SND1: variants seen among roughly 807,000 people sequenced by gnomAD.
SND1 encodes staphylococcal nuclease and tudor domain containing 1, also known as staphylococcal nuclease domain-containing protein 1.
Under a neutral mutation model 121.7 loss-of-function variants are expected in SND1, and 38 were observed. The observed-to-expected ratio is 0.31, with a 90% confidence interval of 0.24 to 0.41. SND1 has a LOEUF of 0.41. SND1 is among the 10% of genes least tolerant of loss of function. The pLI is 1.00. For synonymous variants in SND1, 401 were observed against 447.4 expected (o/e 0.90, Z 1.31); for missense variants, 868 against 1,184.6 (o/e 0.73, Z 3.92).
intron 1 of SND1, 34 bp from the exon 2 acceptor site, chr7:127,686,579 G>A: frequency 6.2e-7 from 1 of 1,605,500 alleles, no homozygotes; most frequent in African/African-American, 1.3e-5. Flanking sequence ...ACGGCCTCTG[G>A]ACCATTCATT....
chr7:127,978,489 G>A (rs547216460), intron 15 of SND1, among the ~76,000 whole-genome samples: 1 of 152,184 alleles, frequency 6.6e-6, no homozygotes, highest in South Asian at 2.1e-4. Context: ...CTTTGAATGG[G>A]GAAATATGCA....
intron 1 of SND1, among the ~76,000 whole-genome samples, chr7:127,683,217 T>G (rs1795757296): frequency 6.6e-6 from 1 of 152,090 alleles, no homozygotes; most frequent in Non-Finnish European, 1.5e-5. Context: ...TGTTTCTGTT[T>G]GTTTCTTTGT....
At chr7:127,773,525 A>G (rs1255099531) in intron 10 of SND1, among the ~76,000 whole-genome samples, 2 of 152,096 alleles carry the variant, frequency 1.3e-5, no homozygotes, top group Non-Finnish European at 2.9e-5. Flanking sequence ...TGTTGCAAAC[A>G]TATTTTGAAA....
chr7:127,907,876 TA>T (rs1472043039), intron 14 of SND1, among the ~76,000 whole-genome samples: 1 of 152,218 alleles, frequency 6.6e-6, no homozygotes, highest in Non-Finnish European at 1.5e-5. Flanking sequence ...CAGAGTGCGT[TA>T]AAATGCTTTT....
intron 16 of SND1, among the ~76,000 whole-genome samples, chr7:128,043,895 A>C (rs1325605145): frequency 2.0e-5 from 3 of 151,566 alleles, no homozygotes; most frequent in Non-Finnish European, 2.9e-5. Context: ...CACACGTAAT[A>C]AACGTTGCAA....
chr7:127,829,460 A>T (rs1376980775), intron 11 of SND1, among the ~76,000 whole-genome samples: 1 of 152,198 alleles, frequency 6.6e-6, no homozygotes, highest in Non-Finnish European at 1.5e-5. Flanking sequence ...TTAGGAGATT[A>T]AAAGACTCCT....
intron 11 of SND1, among the ~76,000 whole-genome samples, chr7:127,831,383 G>A (rs1404118377): frequency 6.6e-6 from 1 of 152,220 alleles, no homozygotes; most frequent in African/African-American, 2.4e-5. Flanking sequence ...TCAACCAGTA[G>A]TATTAGATTG....
intron 12 of SND1, among the ~76,000 whole-genome samples, chr7:127,887,158 T>C (rs183139775): frequency 6.6e-6 from 1 of 152,194 alleles, no homozygotes; most frequent in East Asian, 1.9e-4. Context: ...CACACTCGGC[T>C]AATTTTTAAA....
At chr7:127,809,569 C>A (rs1243420918) in intron 11 of SND1, among the ~76,000 whole-genome samples, 1 of 152,198 alleles carries the variant, frequency 6.6e-6, no homozygotes, top group Non-Finnish European at 1.5e-5. Context: ...CTTCAGACCT[C>A]TGCAGCTGTT....
At chr7:127,953,820 C>T (rs550610310) in intron 15 of SND1, among the ~76,000 whole-genome samples, 2 of 152,320 alleles carry the variant, frequency 1.3e-5, no homozygotes, top group African/African-American at 4.8e-5. Flanking sequence ...ACTTCCTTCT[C>T]TGGTCTCTCC....
intron 1 of SND1, among the ~76,000 whole-genome samples, chr7:127,667,270 A>G (rs1046001737): frequency 1.3e-5 from 2 of 152,196 alleles, no homozygotes; most frequent in African/African-American, 4.8e-5. Flanking sequence ...AAGTTTAGGG[A>G]AAAGTGTGCA....
At chr7:127,672,700 C>G (rs576558160) in intron 1 of SND1, among the ~76,000 whole-genome samples, 6 of 152,012 alleles carry the variant, frequency 3.9e-5, no homozygotes, top group Non-Finnish European at 8.8e-5. Flanking sequence ...GCCAGTTGCC[C>G]CAGGGTCACC....
chr7:128,009,357 G>A (rs1324638884), intron 16 of SND1, among the ~76,000 whole-genome samples: 1 of 152,138 alleles, frequency 6.6e-6, no homozygotes, highest in Non-Finnish European at 1.5e-5. Context: ...GTTGGAGAGT[G>A]AATTATGGGA....
chr7:128,056,647 A>G (rs1242431900), intron 16 of SND1, among the ~76,000 whole-genome samples: 1 of 152,208 alleles, frequency 6.6e-6, no homozygotes, highest in African/African-American at 2.4e-5. Context: ...AGGAGTTGGC[A>G]GACTCATGAG....
intron 1 of SND1, among the ~76,000 whole-genome samples, chr7:127,661,817 A>G (rs1165893731): frequency 6.6e-6 from 1 of 152,082 alleles, no homozygotes; most frequent in Non-Finnish European, 1.5e-5. Context: ...GGTATGAAGT[A>G]AAAAAGAAAA....
chr7:128,049,000 CT>C (rs1793000648), intron 16 of SND1, among the ~76,000 whole-genome samples: 1 of 152,166 alleles, frequency 6.6e-6, no homozygotes, highest in African/African-American at 2.4e-5. Flanking sequence ...ATTACAGAGC[CT>C]TTTGGAGCTC....
intron 12 of SND1, among the ~76,000 whole-genome samples, chr7:127,875,930 C>T (rs951984314): frequency 6.6e-6 from 1 of 152,120 alleles, no homozygotes; most frequent in Non-Finnish European, 1.5e-5. Context: ...TTTTCACTTA[C>T]AAGCTTTGTA....
At chr7:128,059,331 T>A (rs560366207) in intron 16 of SND1, among the ~76,000 whole-genome samples, 1 of 152,348 alleles carries the variant, frequency 6.6e-6, no homozygotes, top group Admixed American at 6.5e-5. Flanking sequence ...AGGATGTGGC[T>A]TTATCGTGTC....
intron 16 of SND1, among the ~76,000 whole-genome samples, chr7:128,002,836 A>C (rs1481789024): frequency 1.3e-5 from 2 of 152,224 alleles, no homozygotes; most frequent in African/African-American, 4.8e-5. Context: ...ACAACAATCC[A>C]GGATTGCCAT....
Sources: gnomAD v4.1 joint callset for allele counts (sites outside exome capture counted in the v4.1 genomes callset) on GRCh38, gnomAD v4.1.1 for gene constraint, MANE v1.5 for transcripts, NCBI Gene and HGNC (gene_info 2026-07-23, HGNC 2026-07-21) for gene names.